Variants in CACNA2D4 observed in about 807,000 individuals in gnomAD.
The protein encoded by CACNA2D4 is voltage-dependent calcium channel subunit alpha-2/delta-4.
In CACNA2D4, 157 loss-of-function variants were observed where a neutral mutation model predicts 163.8. That is an observed-to-expected ratio of 0.96 (90% CI 0.84 to 1.09). The LOEUF (loss-of-function observed/expected upper bound fraction) is 1.09. CACNA2D4 is among the 50% of genes least tolerant of loss of function. The pLI is 0.00. For missense variants in CACNA2D4, 1,410 were observed against 1,479.9 expected (o/e 0.95, Z 0.78); for synonymous variants, 598 against 586.9 (o/e 1.02, Z -0.27).
rs1431443273 is a variant in CACNA2D4, at chr12:1,811,671, T to G, written c.2604A>C (p.Ala868=). ...LEFLQRKFWA[A]TRQCSTVDGP... ...CCGACATCACACCTACCTGCCGCGT[T>G]GCCGCCCAGAATTTGCGCTGGAGGA... The change falls in exon 27 of 38, where the codon GCA becomes GCC. Residue 868 remains alanine (A), a synonymous_variant. Transcript: ENST00000382722. The G allele has an allele frequency of 6.4e-7, 1 of 1,559,684 alleles. No individual in the cohort carries two copies. Among genetic ancestry groups the G allele is most frequent in the Non-Finnish European group, 8.7e-7 (1 of 1,151,332 alleles).
intron 23 of CACNA2D4, among the ~76,000 whole-genome samples, chr12:1,849,451 T>C (rs1865226388): frequency 6.6e-6 from 1 of 152,244 alleles, no homozygotes; most frequent in Admixed American, 6.5e-5. Context: ...TTTATTTATT[T>C]AGTGTTTACA....
intron 14 of CACNA2D4, among the ~76,000 whole-genome samples, chr12:1,879,458 G>A (rs918861400): frequency 1.3e-5 from 2 of 152,176 alleles, no homozygotes; most frequent in Non-Finnish European, 2.9e-5. Context: ...TTACAGACAA[G>A]TTAGAGTCTG....
chr12:1,840,863 T>C, intron 25 of CACNA2D4, 44 bp from the exon 26 acceptor site: 1 of 1,540,344 alleles, frequency 6.5e-7, no homozygotes, highest in Non-Finnish European at 9.0e-7. Context: ...GAGCTGTGGT[T>C]GGGGCAGGTG....
chr12:1,871,371 TGC>T (rs1033316850), intron 18 of CACNA2D4, among the ~76,000 whole-genome samples: 5 of 138,990 alleles, frequency 3.6e-5, no homozygotes, highest in Admixed American at 3.0e-4. Context: ...TACATGTGTG[TGC>T]TGCTGGTGTG....
chr12:1,885,143 T>C (rs1866106053), intron 9 of CACNA2D4, 67 bp from the exon 10 acceptor site: 1 of 1,377,916 alleles, frequency 7.3e-7, no homozygotes, highest in Non-Finnish European at 1.0e-6. Context: ...TCATGTTTGG[T>C]GTTAATTTGG....
intron 37 of CACNA2D4, 65 bp downstream of exon 37, chr12:1,795,234 A>G: frequency 6.8e-7 from 1 of 1,462,378 alleles, no homozygotes; most frequent in African/African-American, 1.4e-5. Flanking sequence ...GCAGGGGCAC[A>G]GACCCAGGCA....
chr12:1,861,076 A>G (rs1341298008), intron 18 of CACNA2D4, among the ~76,000 whole-genome samples: 1 of 152,222 alleles, frequency 6.6e-6, no homozygotes, highest in African/African-American at 2.4e-5. Flanking sequence ...GTCATTGGGA[A>G]AGCCACATTT....
At chr12:1,827,858 G>A (rs1320834804) in intron 26 of CACNA2D4, 8 of 368,576 alleles carry the variant, frequency 2.2e-5, no homozygotes, top group Middle Eastern at 6.6e-4. Flanking sequence ...CACTGTGCCC[G>A]ACCCTCGGGC....
chr12:1,844,271 G>A lies in CACNA2D4; in HGVS notation c.2470+131C>T, dbSNP rs1024005011. ...CTAATGCATGCAGGAGGGAAGGCAG[G>A]AGGGGAACCCTGGTGGTCTGGACAT... On this transcript the variant is annotated intron_variant, in intron 25 of 37. Coordinates refer to ENST00000382722, the MANE Select transcript of CACNA2D4 (RefSeq NM_172364.5). The surrounding 1 kb of genome is among the most constrained non-coding windows in gnomAD (Gnocchi z 4.2). 9 of 1,109,416 alleles carry A rather than the reference G, an allele frequency of 8.1e-6. No individual in the cohort carries two copies. The highest frequency in any genetic ancestry group is 7.6e-6 in the Non-Finnish European group (6 of 790,614). The allele number at this position is 1,109,416 out of a possible 1,614,324, so 68.7% of individuals were successfully genotyped here.
intron 1 of CACNA2D4, among the ~76,000 whole-genome samples, chr12:1,916,919 T>C (rs536467805): frequency 1.3e-5 from 2 of 152,266 alleles, no homozygotes; most frequent in East Asian, 1.9e-4. Context: ...GGCTTCTGCA[T>C]AGATGGCCGC....
At chr12:1,886,974 C>A in intron 7 of CACNA2D4, 35 bp downstream of exon 7, 1 of 1,513,112 alleles carries the variant, frequency 6.6e-7, no homozygotes, top group Middle Eastern at 1.7e-4. Flanking sequence ...GAGATAAATA[C>A]CCGGGCCGCA....
At chr12:1,858,137 C>T (rs757985118) in intron 20 of CACNA2D4, among the ~76,000 whole-genome samples, 15 of 152,310 alleles carry the variant, frequency 9.8e-5, no homozygotes, top group East Asian at 3.9e-4. Flanking sequence ...TACATGTCTG[C>T]GGTTTTAGGA....
At position 1,875,237 on chromosome 12, in the gene CACNA2D4, T is replaced by A. The variant is rs1413715492; in HGVS notation, c.1806+14A>T. On this transcript the variant is annotated intron_variant, in intron 17 of 37. Transcript: ENST00000382722. The surrounding 1 kb of genome is among the most constrained non-coding windows in gnomAD (Gnocchi z 4.0). Reference sequence around the variant, plus strand: ...GCCTAACTAGCTTCCCTTCCCCCTATTTTCCCCACTCACAGATTCAGCCTG... The same window carrying A: ...GCCTAACTAGCTTCCCTTCCCCCTAATTTCCCCACTCACAGATTCAGCCTG... 6.3e-7 allele frequency: 1 copy of A among 1,590,040 alleles called. No homozygotes were observed. The highest frequency in any genetic ancestry group is 2.2e-5 in the East Asian group (1 of 44,714).
chr12:1,870,499 C>G (rs1865746382), intron 18 of CACNA2D4, among the ~76,000 whole-genome samples: 1 of 151,836 alleles, frequency 6.6e-6, no homozygotes, highest in Non-Finnish European at 1.5e-5. Context: ...GCGCTCCAGA[C>G]AGACTGGGGA....
chr12:1,807,877 C>T (rs140960416), intron 29 of CACNA2D4, among the ~76,000 whole-genome samples: 142 of 152,226 alleles, frequency 9.3e-4, no homozygotes, highest in African/African-American at 3.1e-3. Context: ...AAGGTCAGTT[C>T]GTTTCTGCCC....
At position 1,809,321 on chromosome 12, in the gene CACNA2D4, C is replaced by G. The variant is rs947776861; in HGVS notation, c.2721+957G>C. On this transcript the variant is annotated intron_variant, in intron 29 of 37. Coordinates refer to ENST00000382722, the MANE Select transcript of CACNA2D4 (RefSeq NM_172364.5). ...CATCCCAGGAACTTAGAGCCCTCAG[C>G]TGGGGCTGGCTTAGACACTGTGTAG... is the stretch of plus-strand genomic sequence containing the variant. 3.2e-5 allele frequency: 18 copies of G among 568,576 alleles called. No homozygotes were observed. The Admixed American group carries it at 6.2e-4, about 19-fold the overall frequency. The allele number at this position is 568,576 out of a possible 1,614,324, so 35.2% of individuals were successfully genotyped here.
In CACNA2D4 at chr12:1,878,644, C is replaced by T. The variant is rs780266345; in HGVS notation, c.1645-255G>A. ...TCTTTACCACCACATGTTCTGGGTGCTTTGATGATGTAATCTCACTCACCC... is the reference window on the plus strand; with the variant it reads ...TCTTTACCACCACATGTTCTGGGTGTTTTGATGATGTAATCTCACTCACCC... On this transcript the variant is annotated intron_variant, in intron 15 of 37. Coordinates refer to ENST00000382722, the MANE Select transcript of CACNA2D4 (RefSeq NM_172364.5). This position sits in a 1 kb window ranked among gnomAD's most constrained non-coding sequence, Gnocchi z 4.6. Among the ~76,000 whole-genome samples the T allele has an allele frequency of 8.5e-5, 13 of 152,186 alleles. No individual in the cohort carries two copies. The highest frequency in any genetic ancestry group is 1.8e-4 in the Non-Finnish European group (12 of 68,044).
chr12:1,805,393 G>A (rs969903910), intron 29 of CACNA2D4, among the ~76,000 whole-genome samples: 1 of 152,202 alleles, frequency 6.6e-6, no homozygotes, highest in African/African-American at 2.4e-5. Context: ...GATGACAGAT[G>A]GAGTAAATGT....
Position 1,799,182 on chromosome 12 carries a change from C to T in CACNA2D4, c.2995+493G>A, listed in dbSNP as rs531708617. Among the ~76,000 whole-genome samples the T allele has an allele frequency of 4.6e-5, 7 of 152,348 alleles. No homozygotes were observed. Among genetic ancestry groups the T allele is most frequent in the Admixed American group, 3.3e-4 (5 of 15,310 alleles). On this transcript the variant is annotated intron_variant, in intron 34 of 37. Transcript: ENST00000382722. This position sits in a 1 kb window ranked among gnomAD's most constrained non-coding sequence, Gnocchi z 4.7. ...AGGCCAGGCTCATTGCCGCCCTGCA[C>T]GTGTGGCCACAGCCACCGGGCTTTG...
Sources: allele counts gnomAD v4.1 joint callset (sites outside exome capture counted in the v4.1 genomes callset), GRCh38; gene constraint gnomAD v4.1.1; non-coding constraint Gnocchi (gnomAD v3.1); transcripts MANE v1.5; gene names NCBI Gene and HGNC (gene_info 2026-07-23, HGNC 2026-07-21).